Variants in BBX observed in about 807,000 individuals in gnomAD.
The protein encoded by BBX is HMG box transcription factor BBX.
Under a neutral mutation model 100.2 loss-of-function variants are expected in BBX, and 30 were observed. The ratio of observed to expected loss-of-function variants is 0.30; its 90% CI spans 0.22 to 0.41. The LOEUF is 0.41. Among genes scored for constraint, BBX ranks in the 10% least tolerant of loss-of-function variants. The pLI, the probability that BBX is intolerant of heterozygous loss-of-function variation, is 1.00. For missense variants in BBX, 1,023 were observed against 1,129.8 expected, an observed-to-expected ratio of 0.91 and a Z score of 1.35; for synonymous variants, 376 against 388.1, an observed-to-expected ratio of 0.97 and a Z score of 0.37.
chr3:107,557,513 T>C (rs2050169854), intron 2 of BBX, among the ~76,000 whole-genome samples: 1 of 152,250 alleles, frequency 6.6e-6, no homozygotes, highest in African/African-American at 2.4e-5. Flanking sequence ...TCAGTCACAT[T>C]CATTGTTTTT....
At chr3:107,568,754 A>G (rs1252541393) in intron 2 of BBX, among the ~76,000 whole-genome samples, 1 of 152,026 alleles carries the variant, frequency 6.6e-6, no homozygotes, top group Non-Finnish European at 1.5e-5. Flanking sequence ...TCTTTCTTCA[A>G]CGATATTCTT....
chr3:107,714,935 G>A (rs910146293), intron 4 of BBX, among the ~76,000 whole-genome samples: 5 of 151,912 alleles, frequency 3.3e-5, no homozygotes, highest in Admixed American at 1.3e-4. Context: ...ACAGGCACGC[G>A]CCACCATGCC....
rs367609171 is a variant in BBX at position 107,615,324 on chromosome 3, G to A, written c.-83-30512G>A. Reference sequence around the variant, plus strand: ...ATGGTAATACTGACGTCCTAAGTCCGTTCAGGCTGTTAGAACAAAATACCA... The same window carrying A: ...ATGGTAATACTGACGTCCTAAGTCCATTCAGGCTGTTAGAACAAAATACCA... On this transcript the variant is annotated intron_variant, in intron 2 of 17. Coordinates refer to ENST00000325805, the MANE Select transcript of BBX (RefSeq NM_001142568.3). Among the ~76,000 whole-genome samples the A allele has an allele frequency of 2.4e-4, 37 of 152,272 alleles. No individual in the cohort carries two copies. The East Asian group carries it at 4.2e-3, about 17-fold the overall frequency.
chr3:107,712,553 C>T (rs2061793000), intron 4 of BBX, among the ~76,000 whole-genome samples: 1 of 152,206 alleles, frequency 6.6e-6, no homozygotes, highest in Non-Finnish European at 1.5e-5. Context: ...AGCAAATCCT[C>T]TCAGACTCTA....
chr3:107,534,169 T>G (rs987456014), intron 2 of BBX, among the ~76,000 whole-genome samples: 1 of 152,200 alleles, frequency 6.6e-6, no homozygotes, highest in African/African-American at 2.4e-5. Context: ...CATTATTTAT[T>G]TACATGACTA....
intron 3 of BBX, among the ~76,000 whole-genome samples, chr3:107,675,254 A>C (rs2059222331): frequency 6.6e-6 from 1 of 152,134 alleles, no homozygotes; most frequent in Non-Finnish European, 1.5e-5. Context: ...GGCAGTTTTG[A>C]CGGAAATCAG....
At chr3:107,805,096 G>C (rs904167363) in intron 17 of BBX, among the ~76,000 whole-genome samples, 1 of 152,090 alleles carries the variant, frequency 6.6e-6, no homozygotes, top group Non-Finnish European at 1.5e-5. Context: ...TTAGTTGTTT[G>C]AGGCCAGAGG....
Position 107,773,345 on chromosome 3 carries a change from A to G in BBX, c.1624A>G (p.Lys542Glu). ...KSREKKMSKEKSSDTTKESRP... is the reference protein window; with the variant it reads ...KSREKKMSKEESSDTTKESRP... Reference sequence around the variant, plus strand: ...AAGAGAGAAGAAAATGTCAAAGGAGAAATCCTCAGACACCACCAAAGAGTC... The same window carrying G: ...AAGAGAGAAGAAAATGTCAAAGGAGGAATCCTCAGACACCACCAAAGAGTC... The change falls in exon 11 of 18, where the codon AAA (lysine) becomes GAA (glutamate). Residue 542 changes from lysine to glutamate, a missense_variant. This residue lies in a region of BBX where 348 missense variants were observed against 353.2 expected (regional missense o/e 0.99). Coordinates refer to ENST00000325805, the MANE Select transcript of BBX (RefSeq NM_001142568.3). The surrounding 1 kb of genome is among the most constrained non-coding windows in gnomAD (Gnocchi z 4.1). The G allele has an allele frequency of 6.2e-7, 1 of 1,614,120 alleles. No individual in the cohort carries two copies. Among genetic ancestry groups the G allele is most frequent in the African/African-American group, 1.3e-5 (1 of 75,048 alleles).
At chr3:107,791,187 A>T in intron 14 of BBX, 53 bp from the exon 15 acceptor site, 1 of 1,437,294 alleles carries the variant, frequency 7.0e-7, no homozygotes, top group Non-Finnish European at 9.8e-7. Flanking sequence ...AGTATGGGGA[A>T]TCTACTAAGA....
chr3:107,797,792 A>G (rs988041026), intron 15 of BBX, among the ~76,000 whole-genome samples: 4 of 152,166 alleles, frequency 2.6e-5, no homozygotes, highest in Non-Finnish European at 5.9e-5. Flanking sequence ...GTGACTCAGA[A>G]TATAGGAGTG....
chr3:107,651,967 T>G (rs1417587894), intron 3 of BBX, among the ~76,000 whole-genome samples: 1 of 152,198 alleles, frequency 6.6e-6, no homozygotes, highest in Non-Finnish European at 1.5e-5. Flanking sequence ...GCTTTACTGG[T>G]TCAACCAGAA....
intron 16 of BBX, among the ~76,000 whole-genome samples, chr3:107,800,191 A>C (rs1415496312): frequency 6.6e-6 from 1 of 152,216 alleles, no homozygotes; most frequent in Non-Finnish European, 1.5e-5. Flanking sequence ...AAGTAGAATG[A>C]GGACTAACAC....
chr3:107,791,631 G>C (rs1184220398), intron 15 of BBX, among the ~76,000 whole-genome samples: 2 of 152,152 alleles, frequency 1.3e-5, no homozygotes, highest in African/African-American at 4.8e-5. Context: ...GTGGGAGCTG[G>C]AATAACAACC....
intron 13 of BBX, among the ~76,000 whole-genome samples, chr3:107,781,251 GTC>G (rs915524175): frequency 6.6e-6 from 1 of 151,664 alleles, no homozygotes; most frequent in Non-Finnish European, 1.5e-5. Context: ...CTTTCCCATG[GTC>G]ATCCTACTAT....
rs998963496 is a variant in BBX, at chr3:107,601,659, G to A, written c.-83-44177G>A. Among the ~76,000 whole-genome samples the A allele has an allele frequency of 3.9e-5, 6 of 152,200 alleles. No homozygotes were observed. In the South Asian group the frequency reaches 1.0e-3, roughly 26 times the overall value. On this transcript the variant is annotated intron_variant, in intron 2 of 17. Coordinates refer to ENST00000325805, the MANE Select transcript of BBX (RefSeq NM_001142568.3). The stretch of plus-strand genomic sequence containing the variant: ...AGAAGAAAAGTTTGAAGCTAACAGA[G>A]GTTGGTTCATGAGGTTTAAGGAAAG...
rs56306785 is a variant in BBX at position 107,662,025 on chromosome 3, G to A, written c.-10+16116G>A. 4.8e-3 allele frequency: 2,101 copies of A among 433,348 alleles called. 45 individuals carry two copies. The highest frequency in any genetic ancestry group is 0.043 in the African/African-American group (1,998 of 46,614). 26.8% of individuals were successfully genotyped at this position (433,348 alleles called of 1,614,324 possible). On this transcript the variant is annotated intron_variant, in intron 3 of 17. Coordinates refer to ENST00000325805, the MANE Select transcript of BBX (RefSeq NM_001142568.3). ...CCTTTTGGGGAAGAAGAATTTGTTAGGACACAGGACAGAAGAAATAAATTT... is the reference window on the plus strand; with the variant it reads ...CCTTTTGGGGAAGAAGAATTTGTTAAGACACAGGACAGAAGAAATAAATTT...
intron 3 of BBX, among the ~76,000 whole-genome samples, chr3:107,687,713 G>A (rs2059929844): frequency 6.6e-6 from 1 of 152,094 alleles, no homozygotes; most frequent in African/African-American, 2.4e-5. Flanking sequence ...TGGTCCCATA[G>A]TTCACTACCC....
At chr3:107,704,868 G>T (rs2061300823) in intron 3 of BBX, among the ~76,000 whole-genome samples, 1 of 152,132 alleles carries the variant, frequency 6.6e-6, no homozygotes, top group Admixed American at 6.5e-5. Flanking sequence ...GCAGAGTGAT[G>T]GACTTTGACT....
At chr3:107,713,192 C>G (rs1289677738) in intron 4 of BBX, among the ~76,000 whole-genome samples, 1 of 152,220 alleles carries the variant, frequency 6.6e-6, no homozygotes, top group African/African-American at 2.4e-5. Context: ...ACCAGCCACT[C>G]TTGTTTCTGC....
Sources: allele counts gnomAD v4.1 joint callset (sites outside exome capture counted in the v4.1 genomes callset), GRCh38; gene constraint gnomAD v4.1.1; regional missense constraint gnomAD v4.1.1; non-coding constraint Gnocchi (gnomAD v3.1); transcripts MANE v1.5; gene names NCBI Gene and HGNC (gene_info 2026-07-23, HGNC 2026-07-21).